Variants in ZNF841 observed in about 807,000 individuals in gnomAD.
The protein encoded by ZNF841 is TCONS_00006091.
A neutral mutation model predicts 13.0 loss-of-function variants in ZNF841; 11 were observed. The ratio of observed to expected loss-of-function variants is 0.85; its 90% confidence interval spans 0.53 to 1.40. The LOEUF is 1.40. ZNF841 is among the 40% of genes most tolerant of loss of function. ZNF841 has a pLI of 0.00. For missense variants in ZNF841, 1,068 were observed against 1,139.5 expected (o/e 0.94, Z 0.90); for synonymous variants, 369 against 381.6 (o/e 0.97, Z 0.38).
intron 4 of ZNF841, among the ~76,000 whole-genome samples, chr19:52,080,954 T>C (rs1413642522): frequency 6.6e-6 from 1 of 151,980 alleles, no homozygotes; most frequent in Non-Finnish European, 1.5e-5. Context: ...TACAAAGAAA[T>C]AGGAAAATAC....
At chr19:52,089,498 A>C (rs1313964041) in intron 2 of ZNF841, among the ~76,000 whole-genome samples, 2 of 151,940 alleles carry the variant, frequency 1.3e-5, no homozygotes, top group African/African-American at 2.4e-5. Context: ...ACAAAAAAAA[A>C]CAGCCGGACA....
At chr19:52,078,470 T>C (rs983395818) in intron 4 of ZNF841, among the ~76,000 whole-genome samples, 7 of 151,954 alleles carry the variant, frequency 4.6e-5, no homozygotes, top group Non-Finnish European at 8.8e-5. Context: ...GAGGCCGAGG[T>C]GGGCGGATCA....
chr19:52,067,506 T>A lies in ZNF841; in HGVS notation c.376A>T (p.Thr126Ser), dbSNP rs758113408. 5.0e-6 allele frequency: 8 copies of A among 1,588,596 alleles called. No homozygotes were observed. The African/African-American group carries it at 9.4e-5, about 19-fold the overall frequency. ...VMLEGHESYD[T>S]ENFYFREIRK... is the part of the protein sequence containing the mutation. The stretch of plus-strand genomic sequence containing the variant: ...ATTTCCCTGAAGTAAAAATTTTCAG[T>A]GTCATAGCTTTCATGTCCTTCCAAC... The change falls in exon 7 of 7, where the codon ACT becomes TCT. Residue 126 changes from threonine to serine, a missense_variant. Thr to Ser is a moderately conservative substitution (Grantham distance 58). Coordinates refer to ENST00000594440, the MANE Select transcript of ZNF841 (RefSeq NM_001136499.2).
chr19:52,065,882 C>G lies in ZNF841; in HGVS notation c.2000G>C (p.Ser667Thr). 1 of 1,613,842 alleles carries G rather than the reference C, an allele frequency of 6.2e-7. No individual in the cohort carries two copies. The highest frequency in any genetic ancestry group is 8.5e-7 in the Non-Finnish European group (1 of 1,179,952). Residue 667 changes from serine (S) to threonine (T), a missense_variant, in exon 7 of 7, where the codon AGC becomes ACC. Coordinates refer to ENST00000594440, the MANE Select transcript of ZNF841 (RefSeq NM_001136499.2). ...ATGAATTACCAGATGTTTAGTGAGG[C>G]TTGAACGCTGAGTATAGGCTTTGCC... ...DCGKAYTQRSSLTKHLVIHTG... is the reference protein window; with the variant it reads ...DCGKAYTQRSTLTKHLVIHTG...
chr19:52,086,139 T>C (rs529101783), intron 3 of ZNF841, among the ~76,000 whole-genome samples: 73 of 152,172 alleles, frequency 4.8e-4, no homozygotes, highest in East Asian at 1.7e-3. Context: ...AGGGGACAGG[T>C]CTGCAGGGGA....
chr19:52,063,687 T>C (rs1454559291), downstream of ZNF841: 2 of 152,240 alleles, frequency 1.3e-5, no homozygotes, highest in Non-Finnish European at 2.9e-5. Flanking sequence ...TCGTTACATT[T>C]GTAAGACTGT....
chr19:52,077,161 TG>T (rs2087930670), intron 4 of ZNF841, 77 bp from the exon 5 acceptor site: 1 of 1,450,318 alleles, frequency 6.9e-7, no homozygotes, highest in Non-Finnish European at 9.2e-7. Context: ...AGGAGAGAAC[TG>T]TCACATCAAT....
In ZNF841 at chr19:52,067,262, C is replaced by T. The variant is rs190756342; in HGVS notation, c.620G>A (p.Cys207Tyr). 97 of 1,551,556 alleles carry T rather than the reference C, an allele frequency of 6.3e-5. No homozygotes were observed. The highest frequency in any genetic ancestry group is 2.0e-5 in the Admixed American group (1 of 50,946). ...ATTAACTGTCCTCTCAATTTGATTA[C>T]ATCCATAAATTTTCTCTGCAGTTTG... Reference protein sequence around the residue: ...KFQTAEKIYGCNQIERTVNNC... With the variant: ...KFQTAEKIYGYNQIERTVNNC... The change falls in exon 7 of 7, where the codon TGT becomes TAT. Residue 207 changes from cysteine (C) to tyrosine (Y), a missense_variant. Coordinates refer to ENST00000594440, the MANE Select transcript of ZNF841 (RefSeq NM_001136499.2).
At chr19:52,081,691 A>G (rs2088104123) in intron 4 of ZNF841, among the ~76,000 whole-genome samples, 1 of 152,126 alleles carries the variant, frequency 6.6e-6, no homozygotes, top group African/African-American at 2.4e-5. Context: ...CCATCTCTAC[A>G]AAGAGTACAA....
At chr19:52,076,426 G>A in intron 5 of ZNF841, 1 of 372,844 alleles carries the variant, frequency 2.7e-6, no homozygotes, top group Non-Finnish European at 5.0e-6. Flanking sequence ...ACTTTGGGAG[G>A]CCAAGACGGG....
At chr19:52,063,753 G>GCA (rs1348024404), downstream of ZNF841, 24 of 152,188 alleles carry the variant, frequency 1.6e-4, no homozygotes, top group Admixed American at 1.6e-3. Context: ...AAAAGTCTTA[G>GCA]CACACACATT....
chr19:52,068,202 A>AG (rs1346288418), intron 6 of ZNF841, among the ~76,000 whole-genome samples: 8 of 152,210 alleles, frequency 5.3e-5, no homozygotes, highest in Admixed American at 5.2e-4. Flanking sequence ...GAGGCAGTAT[A>AG]TAACTAGAAA....
chr19:52,077,145 G>A (rs1405405856), intron 4 of ZNF841, 61 bp from the exon 5 acceptor site: 5 of 1,503,728 alleles, frequency 3.3e-6, no homozygotes, highest in Non-Finnish European at 2.7e-6. Flanking sequence ...TACATAAAAT[G>A]AGAAGAGGAG....
At chr19:52,074,210 C>T (rs2087824164) in intron 6 of ZNF841, among the ~76,000 whole-genome samples, 1 of 152,168 alleles carries the variant, frequency 6.6e-6, no homozygotes, top group South Asian at 2.1e-4. Flanking sequence ...CCCAACACAA[C>T]ACTACCACAA....
In ZNF841 at chr19:52,066,204, T is replaced by C. The variant is rs879076979; in HGVS notation, c.1678A>G (p.Met560Val). ...GGTTTCTCTCCAGTATGACATCTCA[T>C]ATGAACCGAAAGGTATCCACCGTAA... ...FNYGGYLSVH[M>V]RCHTGEKPLH... The change falls in exon 7 of 7, where the codon ATG (methionine) becomes GTG (valine). Residue 560 changes from methionine (M) to valine (V), a missense_variant. Coordinates refer to ENST00000594440, the MANE Select transcript of ZNF841 (RefSeq NM_001136499.2). 1.2e-6 allele frequency: 2 copies of C among 1,613,458 alleles called. No homozygotes were observed. Among genetic ancestry groups the C allele is most frequent in the South Asian group, 1.1e-5 (1 of 91,048 alleles).
intron 4 of ZNF841, among the ~76,000 whole-genome samples, chr19:52,078,699 G>C (rs1330578380): frequency 8.3e-6 from 1 of 120,128 alleles, no homozygotes; most frequent in Admixed American, 8.9e-5. Flanking sequence ...ACTCCATCTC[G>C]GAAAAAAAAA....
intron 6 of ZNF841, among the ~76,000 whole-genome samples, chr19:52,074,731 G>C (rs1259523838): frequency 6.6e-6 from 1 of 152,100 alleles, no homozygotes; most frequent in Non-Finnish European, 1.5e-5. Flanking sequence ...TGGCCAGGCT[G>C]GTCTAGAACT....
chr19:52,080,789 A>C (rs2088074367), intron 4 of ZNF841, among the ~76,000 whole-genome samples: 1 of 152,218 alleles, frequency 6.6e-6, no homozygotes, highest in South Asian at 2.1e-4. Flanking sequence ...AAAGGCCCAG[A>C]GAGGACAAAA....
chr19:52,090,554 G>A lies in ZNF841; in HGVS notation c.-143-1552C>T, dbSNP rs1035418428. Among the ~76,000 whole-genome samples, 6 of 150,968 alleles carry A rather than the reference G, an allele frequency of 4.0e-5. No individual in the cohort carries two copies. The South Asian group carries it at 6.3e-4, about 16-fold the overall frequency. ...TTCAAACCTGCAGTGAGGTATGATC[G>A]CCCCACTGCATGCCAGCACTCCAGC... is the stretch of plus-strand genomic sequence containing the variant. On this transcript the variant is annotated intron_variant, in intron 2 of 6. Coordinates refer to ENST00000594440, the MANE Select transcript of ZNF841 (RefSeq NM_001136499.2).
Sources: allele counts gnomAD v4.1 joint callset (sites outside exome capture counted in the v4.1 genomes callset), GRCh38; gene constraint gnomAD v4.1.1; transcripts MANE v1.5; gene names NCBI Gene and HGNC (gene_info 2026-07-23, HGNC 2026-07-21).